QPRT: variants seen among roughly 807,000 people sequenced by gnomAD.
QPRT encodes the protein quinolinate phosphoribosyltransferase.
In QPRT, 17 loss-of-function variants were observed where a neutral mutation model predicts 19.8. The observed-to-expected ratio is 0.86, with a 90% CI of 0.59 to 1.29. The LOEUF (loss-of-function observed/expected upper bound fraction) is 1.29, where lower values mean the gene tolerates loss of function less well. QPRT is among the 50% of genes most tolerant of loss of function. The pLI, the probability that QPRT is intolerant of heterozygous loss-of-function variation, is 0.00. For synonymous variants in QPRT, 178 were observed against 191.0 expected, an observed-to-expected ratio of 0.93 and a Z score of 0.56; for missense variants, 336 against 405.1, an observed-to-expected ratio of 0.83 and a Z score of 1.46.
At chr16:29,694,309 C>T (rs887315302) in intron 1 of QPRT, among the ~76,000 whole-genome samples, 3 of 151,818 alleles carry the variant, frequency 2.0e-5, no homozygotes, top group Non-Finnish European at 2.9e-5. Flanking sequence ...TTAGTAGAGA[C>T]GGGGTTTCAC....
At position 29,694,762 on chromosome 16, in the gene QPRT, G is replaced by T. The variant is rs757262437; in HGVS notation, c.112G>T (p.Gly38Trp). 5 of 1,613,142 alleles carry T rather than the reference G, an allele frequency of 3.1e-6. No homozygotes were observed. The highest frequency in any genetic ancestry group is 1.7e-4 in the Middle Eastern group (1 of 6,060). Reference protein sequence around the residue: ...PGLNYAALVSGAGPSQAALWA... With the variant: ...PGLNYAALVSWAGPSQAALWA... ...GCTCAACTACGCAGCCTTGGTCAGC[G>T]GGGCAGGCCCCTCGCAGGCGGCGCT... Residue 38 changes from glycine to tryptophan, a missense_variant, in exon 2 of 4, where the codon GGG becomes TGG. By Grantham distance (184) the Gly-to-Trp change is radical. Transcript: ENST00000395384.
At chr16:29,694,471 TCC>T (rs1474908461) in intron 1 of QPRT, among the ~76,000 whole-genome samples, 191 bp from the exon 2 acceptor site, 1 of 151,846 alleles carries the variant, frequency 6.6e-6, no homozygotes, top group Non-Finnish European at 1.5e-5. Flanking sequence ...CCCACAGCAC[TCC>T]CTCACCCTCG....
In QPRT at chr16:29,680,114, C is replaced by T. The variant is rs367911862; in HGVS notation, c.13+904C>T. Among the ~76,000 whole-genome samples the T allele has an allele frequency of 4.4e-4, 67 of 152,034 alleles. No individual in the cohort carries two copies. The East Asian group carries it at 0.012, about 28-fold the overall frequency. On this transcript the variant is annotated intron_variant, in intron 1 of 3. Transcript: ENST00000395384. ...CTGGGACTACAGGCGCCCGCCGCCA[C>T]GCCTGGCTAATTTTTTGTATTTTTA...
At chr16:29,690,213 T>C (rs890515157) in intron 1 of QPRT, among the ~76,000 whole-genome samples, 8 of 152,242 alleles carry the variant, frequency 5.3e-5, no homozygotes, top group Non-Finnish European at 1.0e-4. Flanking sequence ...AATCTCATTC[T>C]TTTTTGTGGC....
chr16:29,680,105 C>T (rs1966952369), intron 1 of QPRT, among the ~76,000 whole-genome samples: 1 of 151,840 alleles, frequency 6.6e-6, no homozygotes, highest in African/African-American at 2.4e-5. Flanking sequence ...CTACAGGCGC[C>T]CGCCGCCACG....
intron 1 of QPRT, among the ~76,000 whole-genome samples, chr16:29,682,616 G>T (rs1320655501): frequency 6.6e-6 from 1 of 151,824 alleles, no homozygotes; most frequent in Admixed American, 6.6e-5. Flanking sequence ...CTCACCTCAG[G>T]TGATCCACCC....
In QPRT at chr16:29,694,710, C is replaced by T; in HGVS notation, c.60C>T (p.Asp20=). The T allele has an allele frequency of 1.3e-6, 2 of 1,572,522 alleles. No individual in the cohort carries two copies. Among genetic ancestry groups the T allele is most frequent in the Admixed American group, 3.6e-5 (2 of 56,308 alleles). ...CCGTCACCCTGGCAGCCCTGGTGGA[C>T]AGCTGGCTCCGAGAGGACTGCCCAG... ...LPPVTLAALV[D]SWLREDCPGL... The change falls in exon 2 of 4, where the codon GAC becomes GAT. Residue 20 remains aspartate (D), a synonymous_variant. Transcript: ENST00000395384.
intron 1 of QPRT, among the ~76,000 whole-genome samples, chr16:29,691,364 CAAAAAAAAAAA>C (rs537664108): frequency 0.27 from 14,053 of 52,502 alleles, 1,093 homozygotes; most frequent in South Asian, 0.44. Flanking sequence ...AGCTCTGCAT[CAAAAAAAAAAA>C]AAAAAAAAAA....
At chr16:29,689,835 A>G (rs1967273770) in intron 1 of QPRT, among the ~76,000 whole-genome samples, 1 of 152,082 alleles carries the variant, frequency 6.6e-6, no homozygotes, top group Non-Finnish European at 1.5e-5. Flanking sequence ...GGCTTGCTCA[A>G]TCACGACCCT....
intron 1 of QPRT, among the ~76,000 whole-genome samples, chr16:29,681,408 T>A (rs770522763): frequency 4.0e-5 from 6 of 151,512 alleles, no homozygotes; most frequent in Non-Finnish European, 7.4e-5. Context: ...CCCCAGAATT[T>A]GCAGGTGAAA....
chr16:29,688,936 ATGCC>A (rs1967244746), intron 1 of QPRT, among the ~76,000 whole-genome samples: 1 of 150,148 alleles, frequency 6.7e-6, no homozygotes, highest in African/African-American at 2.5e-5. Flanking sequence ...GCACACCACC[ATGCC>A]CGGCTAATTT....
intron 1 of QPRT, among the ~76,000 whole-genome samples, chr16:29,679,870 G>A (rs536945231): frequency 1.8e-4 from 28 of 152,182 alleles, no homozygotes; most frequent in Admixed American, 9.2e-4. Context: ...GAAGGTGGGG[G>A]TGTGCGCGTC....
chr16:29,688,514 ATTTG>A (rs978084536), intron 1 of QPRT, among the ~76,000 whole-genome samples: 62 of 150,702 alleles, frequency 4.1e-4, no homozygotes, highest in Middle Eastern at 3.2e-3. Context: ...TACTTTATTT[ATTTG>A]TTTGTTTATT....
intron 1 of QPRT, among the ~76,000 whole-genome samples, chr16:29,686,075 G>C (rs995914852): frequency 6.6e-6 from 1 of 152,010 alleles, no homozygotes; most frequent in Non-Finnish European, 1.5e-5. Flanking sequence ...GGTCAGGCTG[G>C]ACTCGAACTC....
rs528077300 is a variant in QPRT at position 29,687,704 on chromosome 16, C to CT, written c.14-6959dup. Among the ~76,000 whole-genome samples, 539 of 151,972 alleles carry CT rather than the reference C, an allele frequency of 3.5e-3. 3 individuals are homozygous for CT. The highest frequency in any genetic ancestry group is 8.1e-3 in the Admixed American group (124 of 15,234). ...AGTGAGTCTACTTTTATTGCCAAAG[C>CT]TCGGGGGTCCATCCCTTTTCCATTG... On this transcript the variant is annotated intron_variant, in intron 1 of 3. Coordinates refer to ENST00000395384, the MANE Select transcript of QPRT (RefSeq NM_014298.6).
At position 29,695,045 on chromosome 16, in the gene QPRT, G is replaced by C; in HGVS notation, c.395G>C (p.Gly132Ala). Reference sequence around the variant, plus strand: ...GCCGCCAGGGGGGCCGGCTGGACTGGGCACGTGGCAGGCACGAGGAAGACC... The same window carrying C: ...GCCGCCAGGGGGGCCGGCTGGACTGCGCACGTGGCAGGCACGAGGAAGACC... The part of the protein sequence containing the change: ...VEAARGAGWT[G>A]HVAGTRKTTP... Residue 132 changes from glycine to alanine, a missense_variant, in exon 2 of 4, where the codon GGG (glycine) becomes GCG (alanine). Coordinates refer to ENST00000395384, the MANE Select transcript of QPRT (RefSeq NM_014298.6). The C allele has an allele frequency of 6.2e-7, 1 of 1,605,588 alleles. No individual in the cohort carries two copies.
intron 1 of QPRT, among the ~76,000 whole-genome samples, chr16:29,692,984 C>G: frequency 6.6e-6 from 1 of 151,808 alleles, no homozygotes; most frequent in East Asian, 1.9e-4. Context: ...TCGCTTGAAT[C>G]CGGAAGGCGG....
intron 1 of QPRT, among the ~76,000 whole-genome samples, chr16:29,692,449 T>C (rs951592256): frequency 1.3e-5 from 2 of 150,672 alleles, no homozygotes; most frequent in East Asian, 2.0e-4. Context: ...GGCGTGGTGG[T>C]GGGCGCCTGT....
intron 1 of QPRT, among the ~76,000 whole-genome samples, chr16:29,683,347 A>G (rs1967069638): frequency 6.7e-6 from 1 of 149,458 alleles, no homozygotes; most frequent in East Asian, 2.0e-4. Context: ...GTCTTATGAG[A>G]GCATTGGTTC....
Sources: allele counts gnomAD v4.1 joint callset (sites outside exome capture counted in the v4.1 genomes callset), GRCh38; gene constraint gnomAD v4.1.1; transcripts MANE v1.5; gene names NCBI Gene and HGNC (gene_info 2026-07-23, HGNC 2026-07-21).